AMOTL1: variants seen among roughly 807,000 people sequenced by gnomAD.
AMOTL1 encodes angiomotin-like protein 1.
Under a neutral mutation model 102.9 loss-of-function variants are expected in AMOTL1, and 45 were observed. That is an observed-to-expected ratio of 0.44 (90% CI 0.34 to 0.56). The LOEUF (loss-of-function observed/expected upper bound fraction) is 0.56. AMOTL1 is among the 20% of genes least tolerant of loss of function. AMOTL1 has a pLI of 0.01. For missense variants in AMOTL1, 1,114 were observed against 1,225.6 expected (o/e 0.91, Z 1.36); for synonymous variants, 481 against 484.7 (o/e 0.99, Z 0.10).
chr11:94,754,383 A>C (rs1433860467), intron 3 of AMOTL1, among the ~76,000 whole-genome samples: 2 of 152,192 alleles, frequency 1.3e-5, no homozygotes, highest in Non-Finnish European at 2.9e-5. Context: ...CTGAATAATA[A>C]AGTGCAGAAG....
At chr11:94,867,958 A>G (rs943448877) in intron 11 of AMOTL1, among the ~76,000 whole-genome samples, 3 of 152,188 alleles carry the variant, frequency 2.0e-5, no homozygotes. Context: ...GTAAGACAGG[A>G]TAAGGCCTGT....
intron 3 of AMOTL1, among the ~76,000 whole-genome samples, chr11:94,749,961 G>C (rs1950631967): frequency 6.6e-6 from 1 of 152,136 alleles, no homozygotes; most frequent in Non-Finnish European, 1.5e-5. Flanking sequence ...CAAATGTAAA[G>C]TTTCCTCCCT....
At chr11:94,794,418 G>A (rs1951331097) in intron 1 of AMOTL1, among the ~76,000 whole-genome samples, 1 of 152,186 alleles carries the variant, frequency 6.6e-6, no homozygotes, top group Non-Finnish European at 1.5e-5. Flanking sequence ...TGTGTGTGAA[G>A]CAGATAAACT....
chr11:94,800,391 A>C, intron 3 of AMOTL1, 80 bp downstream of exon 3: 1 of 1,445,856 alleles, frequency 6.9e-7, no homozygotes, highest in Non-Finnish European at 9.2e-7. Context: ...TTTTCAGAGC[A>C]GATTAGGTTT....
At chr11:94,743,651 CTTTTTT>C (rs760828820) in intron 3 of AMOTL1, among the ~76,000 whole-genome samples, 62 of 98,158 alleles carry the variant, frequency 6.3e-4, no homozygotes, top group African/African-American at 1.4e-3. Context: ...CACAATACTT[CTTTTTT>C]TTTTTTTTTT....
At chr11:94,727,012 T>C (rs1453054012) in intron 1 of AMOTL1, among the ~76,000 whole-genome samples, 4 of 152,234 alleles carry the variant, frequency 2.6e-5, no homozygotes, top group South Asian at 4.1e-4. Context: ...ATTAATAAAA[T>C]AAAATCATGG....
intron 7 of AMOTL1, 51 bp from the exon 8 acceptor site, chr11:94,853,882 T>G: frequency 2.5e-6 from 4 of 1,577,550 alleles, no homozygotes; most frequent in Non-Finnish European, 2.6e-6. Flanking sequence ...ACCCCAGCTT[T>G]GAGAATCAGT....
At position 94,849,859 on chromosome 11, in the gene AMOTL1, C is replaced by T. The variant is rs150724383; in HGVS notation, c.1649-255C>T. Among the ~76,000 whole-genome samples, 9 of 152,188 alleles carry T rather than the reference C, an allele frequency of 5.9e-5. No individual in the cohort carries two copies. In the East Asian group the frequency reaches 1.7e-3, roughly 29 times the overall value. ...TCAATGTTGTAGAGAAGTGAGTTAT[C>T]GAGAATATAGGGTCACTGGTTCTTT... On this transcript the variant is annotated intron_variant, in intron 6 of 12. Transcript: ENST00000433060.
At chr11:94,739,818 T>A (rs900661694) in intron 2 of AMOTL1, among the ~76,000 whole-genome samples, 3 of 152,110 alleles carry the variant, frequency 2.0e-5, no homozygotes, top group Non-Finnish European at 4.4e-5. Flanking sequence ...TCCTGGGGGC[T>A]GGGGGGAGAT....
At chr11:94,750,453 A>T (rs1950639030) in intron 3 of AMOTL1, among the ~76,000 whole-genome samples, 1 of 152,128 alleles carries the variant, frequency 6.6e-6, no homozygotes, top group Non-Finnish European at 1.5e-5. Flanking sequence ...GGCTGCAGGG[A>T]TGAGAATGCT....
At chr11:94,751,544 T>TTGATCA (rs1950653911) in intron 3 of AMOTL1, among the ~76,000 whole-genome samples, 1 of 152,058 alleles carries the variant, frequency 6.6e-6, no homozygotes, top group South Asian at 2.1e-4. Context: ...GAATGTAAAA[T>TTGATCA]TGATCACCAC....
At chr11:94,859,913 TC>T (rs1230131954) in intron 9 of AMOTL1, among the ~76,000 whole-genome samples, 198 bp downstream of exon 9, 1 of 152,166 alleles carries the variant, frequency 6.6e-6, no homozygotes, top group Non-Finnish European at 1.5e-5. Flanking sequence ...CATATATCTT[TC>T]CTTTGAGTCC....
At chr11:94,840,650 A>T (rs1026192901) in intron 6 of AMOTL1, among the ~76,000 whole-genome samples, 1 of 135,688 alleles carries the variant, frequency 7.4e-6, no homozygotes, top group Non-Finnish European at 1.5e-5. Context: ...GCCACTTAAA[A>T]AACGTATATA....
chr11:94,870,829 T>C lies in AMOTL1; in HGVS notation c.*34T>C. The C allele has an allele frequency of 6.6e-7, 1 of 1,519,996 alleles. No individual in the cohort carries two copies. The highest frequency in any genetic ancestry group is 8.9e-7 in the Non-Finnish European group (1 of 1,119,212). The allele number at this position is 1,519,996 out of a possible 1,614,324, so 94.2% of individuals were successfully genotyped here. On this transcript the variant is annotated 3_prime_UTR_variant, in exon 13 of 13. Transcript: ENST00000433060. The stretch of plus-strand genomic sequence containing the variant: ...CCTGTGGAATTTCAGTACAGAACAC[T>C]GACAAACAAGGAAAGCGGCAGAGAA...
intron 3 of AMOTL1, among the ~76,000 whole-genome samples, chr11:94,815,492 G>C (rs1197345500): frequency 6.6e-6 from 1 of 152,036 alleles, no homozygotes; most frequent in Non-Finnish European, 1.5e-5. Flanking sequence ...GATAAATGTA[G>C]TGGAATAAAT....
At chr11:94,789,703 C>A (rs1345477235) in intron 1 of AMOTL1, among the ~76,000 whole-genome samples, 1 of 152,106 alleles carries the variant, frequency 6.6e-6, no homozygotes, top group Non-Finnish European at 1.5e-5. Context: ...CCTAGAAAAA[C>A]CTCGAGTTCT....
At chr11:94,724,430 G>A (rs1950223301) in intron 1 of AMOTL1, among the ~76,000 whole-genome samples, 2 of 152,114 alleles carry the variant, frequency 1.3e-5, no homozygotes, top group Non-Finnish European at 2.9e-5. Flanking sequence ...ATCTGGCGAG[G>A]GAGTGAGCTC....
At chr11:94,740,864 T>TGGGAGAG in intron 2 of AMOTL1, 1 of 1,125,844 alleles carries the variant, frequency 8.9e-7, no homozygotes, top group South Asian at 1.3e-5. Flanking sequence ...GGACCTGCGC[T>TGGGAGAG]TGAGCTGGTG....
chr11:94,751,177 C>T (rs778102106), intron 3 of AMOTL1, among the ~76,000 whole-genome samples: 1 of 152,008 alleles, frequency 6.6e-6, no homozygotes, highest in African/African-American at 2.4e-5. Context: ...ATATTCAGTA[C>T]GTATTTCTTG....
Sources: allele counts gnomAD v4.1 joint callset (sites outside exome capture counted in the v4.1 genomes callset), GRCh38; gene constraint gnomAD v4.1.1; transcripts MANE v1.5; gene names NCBI Gene and HGNC (gene_info 2026-07-23, HGNC 2026-07-21).